Variants in ALK observed in about 807,000 individuals in gnomAD.
ALK encodes ALK tyrosine kinase receptor.
ALK carries 74 observed loss-of-function variants against 163.1 expected under a neutral mutation model. That is an observed-to-expected ratio of 0.45 (90% CI 0.38 to 0.55). ALK has a LOEUF of 0.55. Among genes scored for constraint, ALK ranks in the 20% least tolerant of loss-of-function variants. ALK has a pLI of 0.00. For missense variants in ALK, 2,063 were observed against 2,105.3 expected (o/e 0.98, Z 0.39); for synonymous variants, 960 against 843.2 (o/e 1.14, Z -2.40).
chr2:29,791,787 T>C (rs368332231), intron 1 of ALK, among the ~76,000 whole-genome samples: 1 of 152,200 alleles, frequency 6.6e-6, no homozygotes, highest in Non-Finnish European at 1.5e-5. Flanking sequence ...CTAGTTTATA[T>C]GGTTTGTGCA....
chr2:29,419,633 AC>A (rs1669969379), intron 4 of ALK, among the ~76,000 whole-genome samples: 1 of 151,572 alleles, frequency 6.6e-6, no homozygotes, highest in Non-Finnish European at 1.5e-5. Flanking sequence ...AAGGACCTTA[AC>A]TGCTCTATGA....
chr2:29,486,971 C>T (rs1671788499), intron 4 of ALK, among the ~76,000 whole-genome samples: 1 of 152,106 alleles, frequency 6.6e-6, no homozygotes, highest in African/African-American at 2.4e-5. Context: ...AAAATGTAAG[C>T]TTTTCTAAAG....
intron 3 of ALK, among the ~76,000 whole-genome samples, chr2:29,620,484 TC>T (rs527872725): frequency 2.1e-5 from 1 of 47,264 alleles, no homozygotes. Flanking sequence ...TATACTTTTC[TC>T]TTTTTTTTTG....
rs150882211 is a variant in ALK at position 29,463,007 on chromosome 2, T to C, written c.1154+68908A>G. On this transcript the variant is annotated intron_variant, in intron 4 of 28. Coordinates refer to ENST00000389048, the MANE Select transcript of ALK (RefSeq NM_004304.5). Reference sequence around the variant, plus strand: ...AAATCCTATAAAATGGGAATAAATATATAGAACATATTACAGCACATTTGG... The same window carrying C: ...AAATCCTATAAAATGGGAATAAATACATAGAACATATTACAGCACATTTGG... 2.5e-3 allele frequency among the ~76,000 whole-genome samples: 384 copies of C among 152,236 alleles called. 2 individuals carry two copies. In the East Asian group the frequency reaches 0.032, roughly 13 times the overall value.
chr2:29,227,803 C>A lies in ALK; in HGVS notation c.2816-131G>T, dbSNP rs1166391693. On this transcript the variant is annotated intron_variant, in intron 16 of 28. Transcript: ENST00000389048. The surrounding 1 kb of genome is among the most constrained non-coding windows in gnomAD (Gnocchi z 4.4). Reference sequence around the variant, plus strand: ...ACTGGGGACCTCAGGGGCAGGGATGCGGGGAGGGAAGGGAGGCTCAGGGCA... The same window carrying A: ...ACTGGGGACCTCAGGGGCAGGGATGAGGGGAGGGAAGGGAGGCTCAGGGCA... 4.2e-6 allele frequency: 3 copies of A among 712,658 alleles called. No homozygotes were observed. In the African/African-American group the frequency reaches 5.2e-5, roughly 12 times the overall value. 44.1% of individuals were successfully genotyped at this position (712,658 alleles called of 1,614,324 possible). A position where few individuals can be genotyped will look rare whatever the true frequency, so the allele number is the denominator to read the frequency against.
At chr2:29,797,870 C>G (rs1312687689) in intron 1 of ALK, among the ~76,000 whole-genome samples, 1 of 151,604 alleles carries the variant, frequency 6.6e-6, no homozygotes, top group Non-Finnish European at 1.5e-5. Context: ...CTCATTGACC[C>G]AAGAATTTGG....
At chr2:29,610,486 C>A (rs961070115) in intron 3 of ALK, among the ~76,000 whole-genome samples, 3 of 152,046 alleles carry the variant, frequency 2.0e-5, no homozygotes, top group African/African-American at 7.3e-5. Context: ...TCATTCGAAT[C>A]CCATGTTTAT....
At chr2:29,876,812 G>A (rs576831931) in intron 1 of ALK, among the ~76,000 whole-genome samples, 6 of 152,122 alleles carry the variant, frequency 3.9e-5, no homozygotes, top group African/African-American at 1.4e-4. Flanking sequence ...TGGTGTTGGG[G>A]ATGATAATGA....
intron 1 of ALK, among the ~76,000 whole-genome samples, chr2:29,869,820 A>T (rs1666531436): frequency 6.6e-6 from 1 of 152,214 alleles, no homozygotes; most frequent in South Asian, 2.1e-4. Context: ...GATTATAAGC[A>T]AAGAACAAAT....
At chr2:29,706,655 A>G (rs1337725451) in intron 2 of ALK, among the ~76,000 whole-genome samples, 1 of 152,194 alleles carries the variant, frequency 6.6e-6, no homozygotes, top group Non-Finnish European at 1.5e-5. Flanking sequence ...GCACGTGCAC[A>G]TGTGCACACT....
rs568025311 is a variant in ALK, at chr2:29,831,287, G to T, written c.667+88706C>A. Among the ~76,000 whole-genome samples the T allele has an allele frequency of 6.8e-3, 929 of 136,772 alleles. 188 individuals carry two copies. The highest frequency in any genetic ancestry group is 0.024 in the African/African-American group (874 of 36,986). 89.7% of individuals were successfully genotyped at this position (136,772 alleles called of 152,430 possible). A position where few individuals can be genotyped will look rare whatever the true frequency, so the allele number is the denominator to read the frequency against. ...AGAAGAAGAAGAAGAAGAAGAAGAA[G>T]AAGAAGAAGAAGAAGAAGAAGAAGA... On this transcript the variant is annotated intron_variant, in intron 1 of 28. Transcript: ENST00000389048.
chr2:29,643,271 G>A (rs1054513972), intron 3 of ALK, among the ~76,000 whole-genome samples: 7 of 152,210 alleles, frequency 4.6e-5, no homozygotes, highest in Admixed American at 2.0e-4. Context: ...ACATCACCAG[G>A]AAAGGGAATG....
chr2:29,758,045 C>T (rs1055860526), intron 1 of ALK, among the ~76,000 whole-genome samples: 1 of 136,068 alleles, frequency 7.3e-6, no homozygotes, highest in South Asian at 2.4e-4. Flanking sequence ...GAGTCTCACT[C>T]TGTCATCAAG....
intron 1 of ALK, among the ~76,000 whole-genome samples, chr2:29,794,191 T>C (rs974198201): frequency 1.3e-5 from 2 of 152,212 alleles, no homozygotes; most frequent in Non-Finnish European, 2.9e-5. Flanking sequence ...GATGGCTTTT[T>C]TCCTTCAACC....
intron 3 of ALK, among the ~76,000 whole-genome samples, chr2:29,632,757 G>A (rs187934856): frequency 5.3e-5 from 8 of 152,300 alleles, no homozygotes; most frequent in East Asian, 1.9e-4. Context: ...GGCTGGGGAC[G>A]CCTCAAAATC....
At chr2:29,424,012 C>T (rs533997263) in intron 4 of ALK, among the ~76,000 whole-genome samples, 1 of 152,022 alleles carries the variant, frequency 6.6e-6, no homozygotes, top group Admixed American at 6.5e-5. Context: ...GCCTTTTTTT[C>T]ATGTATCGCA....
chr2:29,346,506 C>A (rs966683576), intron 5 of ALK, among the ~76,000 whole-genome samples: 2 of 152,182 alleles, frequency 1.3e-5, no homozygotes, highest in Non-Finnish European at 2.9e-5. Context: ...CCAGCATCCC[C>A]GAAATGCCCA....
chr2:29,467,672 G>C (rs943764555), intron 4 of ALK, among the ~76,000 whole-genome samples: 12 of 152,076 alleles, frequency 7.9e-5, no homozygotes, highest in Non-Finnish European at 1.5e-4. Flanking sequence ...TCTTTTCAGG[G>C]ACCCTCAAGA....
chr2:29,821,283 G>A (rs574903701), intron 1 of ALK, among the ~76,000 whole-genome samples: 2 of 152,036 alleles, frequency 1.3e-5, no homozygotes, highest in African/African-American at 4.8e-5. Context: ...GGCCCTCTGA[G>A]TCACTAGGGG....
Sources: allele counts gnomAD v4.1 joint callset (sites outside exome capture counted in the v4.1 genomes callset), GRCh38; gene constraint gnomAD v4.1.1; non-coding constraint Gnocchi (gnomAD v3.1); transcripts MANE v1.5; gene names NCBI Gene and HGNC (gene_info 2026-07-23, HGNC 2026-07-21).